Variants in ABI3BP observed in about 807,000 individuals in gnomAD.
ABI3BP encodes the protein ABI family member 3 binding protein.
Under a neutral mutation model 268.6 loss-of-function variants are expected in ABI3BP, and 216 were observed. The ratio of observed to expected loss-of-function variants is 0.80; its 90% CI spans 0.72 to 0.90. The LOEUF (loss-of-function observed/expected upper bound fraction) is 0.90, where lower values mean the gene tolerates loss of function less well. Among genes scored for constraint, ABI3BP ranks in the 40% least tolerant of loss-of-function variants. The pLI, the probability that ABI3BP is intolerant of heterozygous loss-of-function variation, is 0.00. For synonymous variants in ABI3BP, 730 were observed against 730.0 expected, an observed-to-expected ratio of 1.00 and a Z score of 0.00; for missense variants, 2,090 against 2,182.4, an observed-to-expected ratio of 0.96 and a Z score of 0.84.
At chr3:100,763,701 A>G (rs1444769137) in intron 63 of ABI3BP, among the ~76,000 whole-genome samples, 1 of 152,182 alleles carries the variant, frequency 6.6e-6, no homozygotes, top group African/African-American at 2.4e-5. Context: ...CAGAAGCTAC[A>G]TGTGAGCCCC....
intron 1 of ABI3BP, among the ~76,000 whole-genome samples, chr3:100,988,544 T>C (rs1453268344): frequency 6.6e-6 from 1 of 152,156 alleles, no homozygotes; most frequent in African/African-American, 2.4e-5. Flanking sequence ...TCAACTTGTG[T>C]TTGTACTCAA....
At chr3:100,887,025 T>C (rs2042299932) in intron 4 of ABI3BP, among the ~76,000 whole-genome samples, 1 of 152,062 alleles carries the variant, frequency 6.6e-6, no homozygotes, top group African/African-American at 2.4e-5. Flanking sequence ...ATATATTACC[T>C]GGTTTAATTG....
intron 2 of ABI3BP, among the ~76,000 whole-genome samples, chr3:100,915,614 C>G (rs995355183): frequency 2.0e-5 from 3 of 152,202 alleles, no homozygotes; most frequent in Non-Finnish European, 4.4e-5. Flanking sequence ...ACCCAGGCTC[C>G]AAGACTCTGC....
chr3:100,927,039 C>T (rs1443085426), intron 1 of ABI3BP, among the ~76,000 whole-genome samples: 1 of 152,068 alleles, frequency 6.6e-6, no homozygotes, highest in Admixed American at 6.6e-5. Context: ...TCTGGGAGTA[C>T]ATCTGGAAAT....
At position 100,906,110 on chromosome 3, in the gene ABI3BP, C is replaced by G. The variant is rs534096435; in HGVS notation, c.260-3424G>C. ...AATTGTTCTCACTCTAGCAGAGTCT[C>G]TTAGAGTTAACCTTTTAGATTCTTC... On this transcript the variant is annotated intron_variant, in intron 2 of 67. Coordinates refer to ENST00000471714, the MANE Select transcript of ABI3BP (RefSeq NM_001375547.2). 9.8e-5 allele frequency among the ~76,000 whole-genome samples: 15 copies of G among 152,286 alleles called. 1 individual carries two copies. In the South Asian group the frequency reaches 2.9e-3, roughly 29 times the overall value.
chr3:100,952,824 G>A (rs891920412), intron 1 of ABI3BP: 3 of 152,094 alleles, frequency 2.0e-5, no homozygotes, highest in Non-Finnish European at 4.4e-5. Flanking sequence ...CTAAGACACT[G>A]AGGACATAAA....
intron 1 of ABI3BP, among the ~76,000 whole-genome samples, chr3:100,947,317 G>A (rs2072937052): frequency 6.6e-6 from 1 of 151,992 alleles, no homozygotes; most frequent in African/African-American, 2.4e-5. Context: ...TCATCTAGTG[G>A]GTGTGGCCCA....
intron 34 of ABI3BP, 95 bp downstream of exon 34, chr3:100,828,298 C>T: frequency 1.6e-6 from 2 of 1,256,342 alleles, no homozygotes; most frequent in Non-Finnish European, 2.2e-6. Flanking sequence ...TCAACCGTTA[C>T]AAAACCAAAA....
chr3:100,760,954 G>T (rs1203293599), intron 63 of ABI3BP, among the ~76,000 whole-genome samples: 3 of 152,032 alleles, frequency 2.0e-5, no homozygotes, highest in Non-Finnish European at 4.4e-5. Flanking sequence ...TGTCACAGGA[G>T]TTCGTTGTAC....
At chr3:100,839,456 G>A (rs1579892743) in intron 24 of ABI3BP, 113 bp downstream of exon 24, 8 of 1,129,816 alleles carry the variant, frequency 7.1e-6, no homozygotes, top group Admixed American at 4.0e-5. Flanking sequence ...GAGGAAAAGC[G>A]TGGGATGAAA....
intron 32 of ABI3BP, 109 bp from the exon 33 acceptor site, chr3:100,829,773 T>A: frequency 1.2e-6 from 1 of 830,188 alleles, no homozygotes; most frequent in Admixed American, 2.3e-5. Flanking sequence ...TCTTTTGGGT[T>A]TGAAATATTT....
chr3:100,944,099 C>T (rs909675374), intron 1 of ABI3BP, among the ~76,000 whole-genome samples: 3 of 152,064 alleles, frequency 2.0e-5, no homozygotes, highest in Non-Finnish European at 2.9e-5. Flanking sequence ...ACACCTTTCC[C>T]TCTCACTCCC....
rs565904043 is a variant in ABI3BP, at chr3:100,854,401, G to A, written c.1286-2461C>T. Reference sequence around the variant, plus strand: ...AGATGTCGGGGGAGAGGACAGTGTTGAAATAGAGTTCTTTGAAAAGCTCCC... The same window carrying A: ...AGATGTCGGGGGAGAGGACAGTGTTAAAATAGAGTTCTTTGAAAAGCTCCC... On this transcript the variant is annotated intron_variant, in intron 14 of 67. Coordinates refer to ENST00000471714, the MANE Select transcript of ABI3BP (RefSeq NM_001375547.2). Among the ~76,000 whole-genome samples, 8 of 152,194 alleles carry A rather than the reference G, an allele frequency of 5.3e-5. No homozygotes were observed. The South Asian group carries it at 1.7e-3, about 32-fold the overall frequency.
chr3:100,922,224 T>C (rs1385413443), intron 2 of ABI3BP, among the ~76,000 whole-genome samples: 1 of 152,100 alleles, frequency 6.6e-6, no homozygotes, highest in Non-Finnish European at 1.5e-5. Flanking sequence ...GAAAAATACA[T>C]CCAGTAAACT....
chr3:100,790,492 A>T (rs1577803064), intron 55 of ABI3BP, among the ~76,000 whole-genome samples: 1 of 152,148 alleles, frequency 6.6e-6, no homozygotes, highest in East Asian at 1.9e-4. Flanking sequence ...TGCCTTGCCT[A>T]CTAAGTTAAA....
At chr3:100,826,470 T>C (rs1009277970) in intron 34 of ABI3BP, among the ~76,000 whole-genome samples, 1 of 152,198 alleles carries the variant, frequency 6.6e-6, no homozygotes, top group African/African-American at 2.4e-5. Context: ...GGTGTTTATC[T>C]GAATATAATA....
chr3:100,876,014 G>A (rs1053119251), intron 7 of ABI3BP, among the ~76,000 whole-genome samples: 15 of 152,272 alleles, frequency 9.9e-5, no homozygotes, highest in African/African-American at 3.6e-4. Flanking sequence ...TTCTGAAAAT[G>A]AAGAACTATT....
chr3:100,756,351 C>T (rs2095615676), intron 63 of ABI3BP, among the ~76,000 whole-genome samples: 1 of 152,178 alleles, frequency 6.6e-6, no homozygotes, highest in African/African-American at 2.4e-5. Flanking sequence ...ATGGAGAAAC[C>T]CTGTCTCTAC....
chr3:100,818,419 G>T, intron 41 of ABI3BP, 106 bp downstream of exon 41: 2 of 958,788 alleles, frequency 2.1e-6, no homozygotes, highest in Non-Finnish European at 3.2e-6. Flanking sequence ...ATAATGGAAT[G>T]ATGACAAAGA....
Sources: gnomAD v4.1 joint callset for allele counts (sites outside exome capture counted in the v4.1 genomes callset) on GRCh38, gnomAD v4.1.1 for gene constraint, MANE v1.5 for transcripts, NCBI Gene and HGNC (gene_info 2026-07-23, HGNC 2026-07-21) for gene names.